The following DLGAP2 variants were observed in gnomAD, a reference collection of about 807,000 sequenced individuals.
The protein encoded by DLGAP2 is disks large-associated protein 2.
A neutral mutation model predicts 100.3 loss-of-function variants in DLGAP2; 26 were observed. That is an observed-to-expected ratio of 0.26 (90% confidence interval 0.19 to 0.36). The LOEUF (loss-of-function observed/expected upper bound fraction) is 0.36. Among genes scored for constraint, DLGAP2 ranks in the 10% least tolerant of loss-of-function variants. DLGAP2 has a pLI of 1.00. For synonymous variants in DLGAP2, 886 were observed against 630.1 expected, an observed-to-expected ratio of 1.41 and a Z score of -6.08; for missense variants, 1,858 against 1,453.2, an observed-to-expected ratio of 1.28 and a Z score of -4.53.
chr8:1,458,217 A>T (rs1329211307), intron 3 of DLGAP2, among the ~76,000 whole-genome samples: 1 of 151,724 alleles, frequency 6.6e-6, no homozygotes, highest in Non-Finnish European at 1.5e-5. Flanking sequence ...CTGTTGTCTG[A>T]TCTTAATAAG....
At chr8:1,548,459 A>G (rs1397264115) in intron 4 of DLGAP2, among the ~76,000 whole-genome samples, 167 bp from the exon 5 acceptor site, 10 of 54,746 alleles carry the variant, frequency 1.8e-4, no homozygotes, top group Non-Finnish European at 3.4e-4. Flanking sequence ...ACTGTCTCAG[A>G]AAAAAAAAAA....
intron 2 of DLGAP2, among the ~76,000 whole-genome samples, chr8:922,373 C>T (rs1042858510): frequency 1.3e-5 from 2 of 152,096 alleles, no homozygotes; most frequent in East Asian, 3.8e-4. Context: ...CAAGTCATGC[C>T]GAATTTCTTA....
intron 3 of DLGAP2, among the ~76,000 whole-genome samples, chr8:1,412,966 C>T (rs147715924): frequency 3.1e-4 from 47 of 151,860 alleles, no homozygotes; most frequent in African/African-American, 8.0e-4. Context: ...TCCCCTCCTC[C>T]GTAAAACAGA....
At chr8:1,437,307 G>T (rs981451893) in intron 3 of DLGAP2, among the ~76,000 whole-genome samples, 1 of 152,240 alleles carries the variant, frequency 6.6e-6, no homozygotes, top group Non-Finnish European at 1.5e-5. Flanking sequence ...GAAGCCATGC[G>T]GGTTTGTATC....
chr8:1,560,918 G>A (rs186765935), intron 5 of DLGAP2, among the ~76,000 whole-genome samples: 72 of 152,262 alleles, frequency 4.7e-4, no homozygotes, highest in African/African-American at 1.7e-3. Flanking sequence ...TGTCATCTGT[G>A]GGACATTTAC....
chr8:1,627,139 G>C (rs756865246), intron 7 of DLGAP2, among the ~76,000 whole-genome samples: 1 of 152,254 alleles, frequency 6.6e-6, no homozygotes, highest in Non-Finnish European at 1.5e-5. Context: ...ATGACCAAAA[G>C]GGTGGTCATC....
chr8:1,691,751 T>G, intron 13 of DLGAP2, 125 bp downstream of exon 13: 1 of 827,778 alleles, frequency 1.2e-6, no homozygotes, highest in Non-Finnish European at 1.9e-6. Flanking sequence ...CACGTGCACT[T>G]ACTACAGAAG....
At chr8:1,601,336 A>C (rs533681268) in intron 6 of DLGAP2, among the ~76,000 whole-genome samples, 3 of 152,320 alleles carry the variant, frequency 2.0e-5, no homozygotes, top group Admixed American at 6.5e-5. Context: ...TCTCCCCATC[A>C]GGAGACAAGA....
chr8:775,722 CT>C (rs1220752219), intron 1 of DLGAP2, among the ~76,000 whole-genome samples: 1 of 126,738 alleles, frequency 7.9e-6, no homozygotes, highest in Non-Finnish European at 1.7e-5. Flanking sequence ...GGTGGATAAG[CT>C]TTTTGATGTG....
At chr8:1,446,700 A>G (rs1026709270) in intron 3 of DLGAP2, among the ~76,000 whole-genome samples, 5 of 152,150 alleles carry the variant, frequency 3.3e-5, no homozygotes, top group South Asian at 2.1e-4. Flanking sequence ...CCATTTTCAC[A>G]ATATTGATTC....
chr8:1,322,642 G>A (rs908348761), intron 3 of DLGAP2, among the ~76,000 whole-genome samples: 2 of 151,918 alleles, frequency 1.3e-5, no homozygotes, highest in Admixed American at 6.6e-5. Flanking sequence ...CACGTGTATT[G>A]TTCCATGGAA....
rs192673367 is a variant in DLGAP2, at chr8:1,614,750, G to T, written c.1443-11990G>T. ...CGATTTTTTAAAATGTAATAATGGG[G>T]AGTTCTGGCTCTGGGATAATAACTT... On this transcript the variant is annotated intron_variant, in intron 6 of 14. Transcript: ENST00000637795. Among the ~76,000 whole-genome samples the T allele has an allele frequency of 4.6e-5, 7 of 152,362 alleles. No homozygotes were observed. In the East Asian group the frequency reaches 1.4e-3, roughly 29 times the overall value.
rs914998488 is a variant in DLGAP2 at position 1,707,618 on chromosome 8, C to G, written c.*6212C>G. 6.6e-6 allele frequency: 1 copy of G among 152,146 alleles called. No individual in the cohort carries two copies. Among genetic ancestry groups the G allele is most frequent in the East Asian group, 1.9e-4 (1 of 5,182 alleles). 9.4% of individuals were successfully genotyped at this position (152,146 alleles called of 1,614,324 possible). On this transcript the variant is annotated 3_prime_UTR_variant, in exon 15 of 15. Coordinates refer to ENST00000637795, the MANE Select transcript of DLGAP2 (RefSeq NM_001346810.2). ...TAAGCCACTTCGCTCTCGGGCAGGACAGGTCCTCCCTGCAGAGAGAGACAA... is the reference window on the plus strand; with the variant it reads ...TAAGCCACTTCGCTCTCGGGCAGGAGAGGTCCTCCCTGCAGAGAGAGACAA...
chr8:846,098 C>G (rs1797066826), intron 1 of DLGAP2, among the ~76,000 whole-genome samples: 1 of 152,168 alleles, frequency 6.6e-6, no homozygotes, highest in African/African-American at 2.4e-5. Flanking sequence ...GGGCAGTTAG[C>G]ACATCTATTA....
At chr8:1,414,893 C>G (rs1015734862) in intron 3 of DLGAP2, among the ~76,000 whole-genome samples, 8 of 152,270 alleles carry the variant, frequency 5.3e-5, no homozygotes, top group Middle Eastern at 3.4e-3. Flanking sequence ...TCTGTAATCC[C>G]AGCTGCTTGG....
chr8:1,582,467 A>G (rs1446027034), intron 6 of DLGAP2, among the ~76,000 whole-genome samples: 12 of 152,188 alleles, frequency 7.9e-5, no homozygotes, highest in African/African-American at 2.9e-4. Flanking sequence ...GAATTCTAGA[A>G]TGAGAGAAAA....
At chr8:1,124,378 G>C (rs1796117305) in intron 2 of DLGAP2, among the ~76,000 whole-genome samples, 1 of 152,190 alleles carries the variant, frequency 6.6e-6, no homozygotes, top group Non-Finnish European at 1.5e-5. Context: ...TCAGAGCTGA[G>C]TCCAGGGCCC....
intron 5 of DLGAP2, among the ~76,000 whole-genome samples, chr8:1,551,224 A>G: frequency 6.6e-6 from 1 of 152,236 alleles, no homozygotes; most frequent in East Asian, 1.9e-4. Context: ...GGCAAACCCT[A>G]ATCATATCCA....
intron 2 of DLGAP2, among the ~76,000 whole-genome samples, chr8:1,166,629 C>A (rs1797021505): frequency 1.3e-5 from 2 of 152,134 alleles, no homozygotes; most frequent in African/African-American, 4.8e-5. Context: ...AATACGGAGT[C>A]TCCTGTCAAT....
Sources: gnomAD v4.1 joint callset for allele counts (sites outside exome capture counted in the v4.1 genomes callset) on GRCh38, gnomAD v4.1.1 for gene constraint, MANE v1.5 for transcripts, NCBI Gene and HGNC (gene_info 2026-07-23, HGNC 2026-07-21) for gene names.